Variants in AUTS2 observed in about 807,000 individuals in gnomAD.
AUTS2 encodes autism susceptibility gene 2 protein.
Under a neutral mutation model 112.4 loss-of-function variants are expected in AUTS2, and 17 were observed. The observed-to-expected ratio is 0.15, with a 90% CI of 0.10 to 0.23. AUTS2 has a LOEUF of 0.23. AUTS2 is among the 10% of genes least tolerant of loss of function. AUTS2 has a pLI of 1.00. For synonymous variants in AUTS2, 751 were observed against 702.7 expected, an observed-to-expected ratio of 1.07 and a Z score of -1.09; for missense variants, 1,510 against 1,701.6, an observed-to-expected ratio of 0.89 and a Z score of 1.98.
intron 5 of AUTS2, among the ~76,000 whole-genome samples, chr7:70,672,292 G>A (rs1395485612): frequency 6.6e-6 from 1 of 152,218 alleles, no homozygotes; most frequent in Non-Finnish European, 1.5e-5. Flanking sequence ...ACATTGAAGG[G>A]ATACCTGAAG....
intron 5 of AUTS2, chr7:70,435,983 A>G (rs964005823): frequency 5.8e-6 from 3 of 515,900 alleles, no homozygotes; most frequent in African/African-American, 5.7e-5. Context: ...TTTTCATTTA[A>G]ACAAGACCTT....
chr7:70,647,981 T>C (rs1469302861), intron 5 of AUTS2, among the ~76,000 whole-genome samples: 6 of 152,150 alleles, frequency 3.9e-5, no homozygotes. Flanking sequence ...TGGCCTGATG[T>C]AGTGGTAGGA....
intron 5 of AUTS2, among the ~76,000 whole-genome samples, chr7:70,495,674 A>G: frequency 9.4e-6 from 1 of 105,886 alleles, no homozygotes. Context: ...CACACACCCC[A>G]CTCACACACA....
chr7:70,547,940 T>C (rs1800856665), intron 5 of AUTS2, among the ~76,000 whole-genome samples: 19 of 152,188 alleles, frequency 1.2e-4, no homozygotes, highest in Admixed American at 1.2e-3. Flanking sequence ...GCTTCTGATC[T>C]CCACATCCTC....
At chr7:70,359,425 A>T (rs1450426509) in intron 4 of AUTS2, among the ~76,000 whole-genome samples, 1 of 152,088 alleles carries the variant, frequency 6.6e-6, no homozygotes, top group East Asian at 1.9e-4. Context: ...TAAATAAAAG[A>T]GGTTATTTAG....
At chr7:70,698,855 CACT>C (rs545077649) in intron 6 of AUTS2, 150 of 409,994 alleles carry the variant, frequency 3.7e-4, no homozygotes, top group African/African-American at 2.9e-3. Flanking sequence ...TTTGACTAAT[CACT>C]ACTACTATGT....
At chr7:70,495,140 A>G (rs1036596833) in intron 5 of AUTS2, among the ~76,000 whole-genome samples, 1 of 151,854 alleles carries the variant, frequency 6.6e-6, no homozygotes, top group Non-Finnish European at 1.5e-5. Context: ...CCTAGTAACA[A>G]AAGTCTCTCA....
At chr7:70,327,027 C>A (rs1790521521) in intron 4 of AUTS2, among the ~76,000 whole-genome samples, 1 of 149,116 alleles carries the variant, frequency 6.7e-6, no homozygotes, top group South Asian at 2.1e-4. Context: ...AAGTGATTCT[C>A]CTGCCTCAGC....
At chr7:70,074,012 A>G (rs1584679206) in intron 2 of AUTS2, among the ~76,000 whole-genome samples, 3 of 152,244 alleles carry the variant, frequency 2.0e-5, no homozygotes, top group East Asian at 3.8e-4. Context: ...TGTCAACTGA[A>G]TAATTCTGTC....
intron 4 of AUTS2, among the ~76,000 whole-genome samples, chr7:70,234,050 T>C (rs1395911478): frequency 6.6e-6 from 1 of 152,202 alleles, no homozygotes; most frequent in Non-Finnish European, 1.5e-5. Context: ...GAATACCATC[T>C]TGTGATGTCA....
intron 1 of AUTS2, among the ~76,000 whole-genome samples, chr7:69,682,316 G>T (rs1249587637): frequency 6.6e-6 from 1 of 152,180 alleles, no homozygotes; most frequent in African/African-American, 2.4e-5. Flanking sequence ...CTTCAGTGTC[G>T]TGTTTAGAGC....
chr7:70,425,642 A>G (rs1795402358), intron 4 of AUTS2, among the ~76,000 whole-genome samples: 1 of 152,236 alleles, frequency 6.6e-6, no homozygotes. Context: ...GATTCCAGGG[A>G]CAACCAGCCT....
intron 4 of AUTS2, among the ~76,000 whole-genome samples, chr7:70,348,586 C>G (rs1454751441): frequency 6.6e-6 from 1 of 152,026 alleles, no homozygotes; most frequent in African/African-American, 2.4e-5. Flanking sequence ...GGGTGGATCA[C>G]AAGGTCAGGA....
chr7:70,390,919 C>T (rs1422827591), intron 4 of AUTS2, among the ~76,000 whole-genome samples: 1 of 152,124 alleles, frequency 6.6e-6, no homozygotes, highest in African/African-American at 2.4e-5. Context: ...GAGCCTGGGC[C>T]TTGGGGTGAT....
chr7:69,863,823 C>T (rs1793097610), intron 1 of AUTS2, among the ~76,000 whole-genome samples: 5 of 152,140 alleles, frequency 3.3e-5, no homozygotes, highest in African/African-American at 9.7e-5. Context: ...AAATGAAGCC[C>T]AGGGAGATAC....
At chr7:70,534,880 T>G (rs1800249973) in intron 5 of AUTS2, among the ~76,000 whole-genome samples, 1 of 152,154 alleles carries the variant, frequency 6.6e-6, no homozygotes, top group South Asian at 2.1e-4. Flanking sequence ...CAACAGGTTA[T>G]AAGACTTCAG....
intron 4 of AUTS2, among the ~76,000 whole-genome samples, chr7:70,394,209 C>G (rs1793988896): frequency 6.6e-6 from 1 of 151,934 alleles, no homozygotes; most frequent in Non-Finnish European, 1.5e-5. Flanking sequence ...TTTTTTTTCC[C>G]CTACAGATGA....
rs541929077 is a variant in AUTS2, at chr7:70,058,263, G to C, written c.523-59869G>C. Among the ~76,000 whole-genome samples the C allele has an allele frequency of 2.0e-5, 3 of 152,322 alleles. No individual in the cohort carries two copies. The South Asian group carries it at 6.2e-4, about 32-fold the overall frequency. On this transcript the variant is annotated intron_variant, in intron 2 of 18. Transcript: ENST00000342771. ...CAGTTAAATATCAGTGGAGCCAGCT[G>C]TGTAAGGACTTATTGGCTTTGTCCT... is the stretch of plus-strand genomic sequence containing the variant.
chr7:70,294,245 T>A (rs1382075369), intron 4 of AUTS2: 1 of 152,218 alleles, frequency 6.6e-6, no homozygotes, highest in Non-Finnish European at 1.5e-5. Context: ...TGTTTTTGAA[T>A]AAGCAAAAAT....
Sources: gnomAD v4.1 joint callset for allele counts (sites outside exome capture counted in the v4.1 genomes callset) on GRCh38, gnomAD v4.1.1 for gene constraint, MANE v1.5 for transcripts, NCBI Gene and HGNC (gene_info 2026-07-23, HGNC 2026-07-21) for gene names.